DGKB: variants seen among roughly 807,000 people sequenced by gnomAD.
DGKB encodes 90 kDa diacylglycerol kinase.
DGKB carries 67 observed loss-of-function variants against 114.3 expected under a neutral mutation model. That is an observed-to-expected ratio of 0.59 (90% CI 0.48 to 0.72). The LOEUF is 0.72. DGKB is among the 30% of genes least tolerant of loss of function. The pLI is 0.00. For missense variants in DGKB, 907 were observed against 975.2 expected, an observed-to-expected ratio of 0.93 and a Z score of 0.93; for synonymous variants, 398 against 323.1, an observed-to-expected ratio of 1.23 and a Z score of -2.49.
chr7:14,188,359 A>G (rs530976976), intron 23 of DGKB, among the ~76,000 whole-genome samples: 1 of 152,232 alleles, frequency 6.6e-6, no homozygotes, highest in Admixed American at 6.5e-5. Context: ...CAGATTGAGG[A>G]AGTTAAAAGA....
Position 14,753,940 on chromosome 7 carries a change from G to A in DGKB, c.156C>T (p.Asp52=), listed in dbSNP as rs868565656. The A allele has an allele frequency of 6.6e-7, 1 of 1,518,078 alleles. No homozygotes were observed. Among genetic ancestry groups the A allele is most frequent in the Admixed American group, 1.9e-5 (1 of 53,448 alleles). The allele number at this position is 1,518,078 out of a possible 1,614,324, so 94.0% of individuals were successfully genotyped here. Residue 52 remains aspartate (D), a synonymous_variant, in exon 4 of 26, where the codon GAC becomes GAT. Coordinates refer to ENST00000402815, the MANE Select transcript of DGKB (RefSeq NM_001350709.2). ...GAAAATGTCTTACTTGGTTAAGAAT[G>A]TCTTGTTTCTGTGCATGCAAGGAAA... The part of the protein sequence containing the change: ...LAKYNPEGKQ[D]ILNQTIDFEG...
intron 13 of DGKB, among the ~76,000 whole-genome samples, chr7:14,644,542 G>T (rs1297392336): frequency 6.6e-6 from 1 of 152,008 alleles, no homozygotes; most frequent in Admixed American, 6.6e-5. Flanking sequence ...TCATAGAACT[G>T]AAGAATTCAA....
chr7:14,196,518 AAG>A (rs1158826452), intron 23 of DGKB, among the ~76,000 whole-genome samples: 1 of 152,134 alleles, frequency 6.6e-6, no homozygotes, highest in Non-Finnish European at 1.5e-5. Flanking sequence ...TCTACAGAAA[AAG>A]AATTATATTA....
intron 1 of DGKB, among the ~76,000 whole-genome samples, chr7:14,873,044 G>T (rs1222778146): frequency 1.3e-5 from 2 of 151,864 alleles, no homozygotes; most frequent in Non-Finnish European, 2.9e-5. Context: ...AACCAGAAAC[G>T]AAAATAATCT....
chr7:14,685,153 T>C (rs939936973), intron 10 of DGKB, 92 bp downstream of exon 10: 1 of 796,320 alleles, frequency 1.3e-6, no homozygotes, highest in African/African-American at 1.7e-5. Flanking sequence ...CCAGATCAGA[T>C]CTTAGGTCTC....
At chr7:14,392,578 G>A (rs1313665473) in intron 21 of DGKB, among the ~76,000 whole-genome samples, 2 of 152,112 alleles carry the variant, frequency 1.3e-5, no homozygotes, top group Non-Finnish European at 2.9e-5. Flanking sequence ...CAGAAGCTTA[G>A]ACAATTTATT....
chr7:14,877,163 T>A (rs1436597218), intron 1 of DGKB, among the ~76,000 whole-genome samples: 1 of 152,212 alleles, frequency 6.6e-6, no homozygotes, highest in African/African-American at 2.4e-5. Flanking sequence ...CTCTTTTTAA[T>A]CTCAGAGAAT....
intron 1 of DGKB, among the ~76,000 whole-genome samples, chr7:14,961,635 TAATTGAGCA>T (rs1786848153): frequency 6.6e-6 from 1 of 152,136 alleles, no homozygotes; most frequent in Non-Finnish European, 1.5e-5. Context: ...CCACAGGAGA[TAATTGAGCA>T]AACTATGACA....
At chr7:14,820,514 G>A (rs1269515840) in intron 2 of DGKB, among the ~76,000 whole-genome samples, 1 of 152,114 alleles carries the variant, frequency 6.6e-6, no homozygotes, top group Non-Finnish European at 1.5e-5. Flanking sequence ...ATTTTAAACT[G>A]CAAATATAAT....
At chr7:14,650,094 G>C (rs1343067577) in intron 13 of DGKB, among the ~76,000 whole-genome samples, 1 of 151,194 alleles carries the variant, frequency 6.6e-6, no homozygotes, top group Non-Finnish European at 1.5e-5. Flanking sequence ...CAACGAGACA[G>C]AAAGTCAACA....
chr7:14,271,405 A>G (rs1337506378), intron 23 of DGKB, among the ~76,000 whole-genome samples: 1 of 152,142 alleles, frequency 6.6e-6, no homozygotes, highest in Non-Finnish European at 1.5e-5. Flanking sequence ...CTGTGATTCT[A>G]TTGAGCCTGA....
intron 21 of DGKB, among the ~76,000 whole-genome samples, chr7:14,439,367 G>A (rs1031924752): frequency 6.6e-6 from 1 of 151,958 alleles, no homozygotes. Context: ...CTTGAATAAC[G>A]ATGAATAGAA....
Position 14,220,960 on chromosome 7 carries a change from A to AT in DGKB, c.2123-42810dup, listed in dbSNP as rs1016246782. Among the ~76,000 whole-genome samples, 385 of 150,176 alleles carry AT rather than the reference A, an allele frequency of 2.6e-3. 2 individuals carry two copies. Among genetic ancestry groups the AT allele is most frequent in the African/African-American group, 9.1e-3 (373 of 41,080 alleles). ...TATAATAAAATTTTTTTTTAATTTC[A>AT]TTTTTTGTTGTGTTGCAAGGGTCTA... On this transcript the variant is annotated intron_variant, in intron 23 of 25. Coordinates refer to ENST00000402815, the MANE Select transcript of DGKB (RefSeq NM_001350709.2).
chr7:14,286,836 C>T (rs1310444806), intron 23 of DGKB, among the ~76,000 whole-genome samples: 1 of 152,036 alleles, frequency 6.6e-6, no homozygotes, highest in Non-Finnish European at 1.5e-5. Context: ...TATGTGCCAA[C>T]AACCTAAGAT....
chr7:14,764,899 G>T (rs1187193165), intron 2 of DGKB, among the ~76,000 whole-genome samples: 1 of 151,744 alleles, frequency 6.6e-6, no homozygotes, highest in Non-Finnish European at 1.5e-5. Flanking sequence ...TTCCCCAGAT[G>T]ATATAAAAGA....
intron 21 of DGKB, among the ~76,000 whole-genome samples, chr7:14,387,087 GTTTC>G (rs1015314252): frequency 1.6e-4 from 24 of 148,468 alleles, no homozygotes; most frequent in East Asian, 5.9e-4. Flanking sequence ...AGTTTTGTTT[GTTTC>G]TTTTGATTAT....
At chr7:14,221,044 G>A (rs1231778630) in intron 23 of DGKB, among the ~76,000 whole-genome samples, 2 of 151,124 alleles carry the variant, frequency 1.3e-5, no homozygotes, top group Non-Finnish European at 3.0e-5. Flanking sequence ...CAAACTCATT[G>A]ATTAGTTCTA....
In DGKB at chr7:14,909,847, G is replaced by C. The variant is rs547956713; in HGVS notation, c.-188+64849C>G. 2.0e-5 allele frequency among the ~76,000 whole-genome samples: 3 copies of C among 152,138 alleles called. No homozygotes were observed. The East Asian group carries it at 5.8e-4, about 29-fold the overall frequency. ...ATAGAAACTGACATCAAAATTAAGA[G>C]GGGAAAATTATGTTCCATTGGGATA... On this transcript the variant is annotated intron_variant, in intron 1 of 4. Transcript: ENST00000437998.
At chr7:14,487,529 C>A (rs1783996002) in intron 20 of DGKB, among the ~76,000 whole-genome samples, 1 of 151,144 alleles carries the variant, frequency 6.6e-6, no homozygotes, top group South Asian at 2.1e-4. Context: ...TTAATTATGC[C>A]TACTGCCTAG....
Sources: allele counts gnomAD v4.1 joint callset (sites outside exome capture counted in the v4.1 genomes callset), GRCh38; gene constraint gnomAD v4.1.1; transcripts MANE v1.5; gene names NCBI Gene and HGNC (gene_info 2026-07-23, HGNC 2026-07-21).